Variants in DTNB observed in about 807,000 individuals in gnomAD.
The protein encoded by DTNB is dystrobrevin beta, also known as DTN-B.
DTNB carries 63 observed loss-of-function variants against 90.7 expected under a neutral mutation model. The observed-to-expected ratio is 0.69, with a 90% confidence interval of 0.57 to 0.86. DTNB has a LOEUF of 0.86. Among genes scored for constraint, DTNB ranks in the 40% least tolerant of loss-of-function variants. The probability of loss-of-function intolerance (pLI) is 0.00; values close to 1 mark genes in which losing one functional copy is unlikely to be tolerated. For synonymous variants in DTNB, 277 were observed against 286.7 expected (o/e 0.97, Z 0.34); for missense variants, 744 against 807.1 (o/e 0.92, Z 0.95).
chr2:25,628,862 A>C (rs922406666), intron 3 of DTNB, among the ~76,000 whole-genome samples: 13 of 152,274 alleles, frequency 8.5e-5, no homozygotes, highest in Non-Finnish European at 1.8e-4. Context: ...AATATGCTTT[A>C]GAGGCTACTC....
At chr2:25,596,578 T>C (rs1559170874) in intron 5 of DTNB, 2 of 177,028 alleles carry the variant, frequency 1.1e-5, no homozygotes, top group Non-Finnish European at 2.4e-5. Context: ...TGCAGCAGCA[T>C]ATCTTTATCT....
At chr2:25,637,234 A>G (rs1436776124) in intron 3 of DTNB, among the ~76,000 whole-genome samples, 1 of 152,226 alleles carries the variant, frequency 6.6e-6, no homozygotes, top group Admixed American at 6.5e-5. Flanking sequence ...CTTAAATGTT[A>G]GACCTAAAAC....
intron 4 of DTNB, among the ~76,000 whole-genome samples, chr2:25,626,485 C>G (rs935109279): frequency 6.6e-6 from 1 of 152,040 alleles, no homozygotes; most frequent in Non-Finnish European, 1.5e-5. Context: ...AGATTTCTGC[C>G]GGGCACAGTG....
At chr2:25,427,180 A>AACACACAC (rs3041256) in intron 15 of DTNB, among the ~76,000 whole-genome samples, 5,987 of 139,566 alleles carry the variant, frequency 0.043, 183 homozygotes, top group African/African-American at 0.074. Flanking sequence ...TCCATCTCAA[A>AACACACAC]ACACACACAC....
intron 2 of DTNB, among the ~76,000 whole-genome samples, chr2:25,652,025 T>C (rs1160657998): frequency 6.6e-6 from 1 of 152,200 alleles, no homozygotes; most frequent in African/African-American, 2.4e-5. Flanking sequence ...AGACAAGTAG[T>C]CACAGAGCAA....
chr2:25,597,512 C>T (rs1025314447), intron 5 of DTNB, among the ~76,000 whole-genome samples: 3 of 151,968 alleles, frequency 2.0e-5, no homozygotes, highest in Non-Finnish European at 2.9e-5. Flanking sequence ...TCTGAATACA[C>T]TAATTAAAGA....
chr2:25,572,458 C>T (rs1240931738), intron 8 of DTNB, among the ~76,000 whole-genome samples: 2 of 149,166 alleles, frequency 1.3e-5, no homozygotes, highest in Non-Finnish European at 3.0e-5. Context: ...CAAAGCGAGA[C>T]TCCATCGCCA....
rs528815163 is a variant in DTNB at position 25,494,411 on chromosome 2, C to T, written c.1002-11538G>A. 1.5e-4 allele frequency among the ~76,000 whole-genome samples: 23 copies of T among 149,148 alleles called. No individual in the cohort carries two copies. In the East Asian group the frequency reaches 4.0e-3, roughly 26 times the overall value. ...AAATTTTCAAGTTTGAGAAACACTGCCCCAATTCAGGACTACTAGCCTCAA... is the reference window on the plus strand; with the variant it reads ...AAATTTTCAAGTTTGAGAAACACTGTCCCAATTCAGGACTACTAGCCTCAA... On this transcript the variant is annotated intron_variant, in intron 9 of 20. Transcript: ENST00000406818.
intron 4 of DTNB, among the ~76,000 whole-genome samples, chr2:25,619,761 G>A (rs1301391160): frequency 6.6e-6 from 1 of 152,158 alleles, no homozygotes. Context: ...TTGGGTTGAG[G>A]CCGGGTGCAG....
At chr2:25,534,469 G>A (rs558278230) in intron 8 of DTNB, among the ~76,000 whole-genome samples, 4 of 151,558 alleles carry the variant, frequency 2.6e-5, no homozygotes, top group South Asian at 2.1e-4. Context: ...TTTTCTTTTC[G>A]ACAAAACCGC....
intron 6 of DTNB, among the ~76,000 whole-genome samples, chr2:25,581,027 C>CATATACATT (rs1191640090): frequency 1.3e-5 from 2 of 152,100 alleles, no homozygotes; most frequent in Non-Finnish European, 2.9e-5. Context: ...AATGTATTCC[C>CATATACATT]ATATACATTA....
At chr2:25,534,707 G>A (rs1329361424) in intron 8 of DTNB, among the ~76,000 whole-genome samples, 4 of 149,668 alleles carry the variant, frequency 2.7e-5, no homozygotes, top group South Asian at 4.3e-4. Flanking sequence ...ACAGGGTGGC[G>A]GGTGGGCAGA....
In DTNB at chr2:25,482,811, G is replaced by C; in HGVS notation, c.1064C>G (p.Pro355Arg). ...TMVSHMSSGV[P>R]TPTKRLQYSQ... ...ACATACGTACCTCTTGGTGGGAGTG[G>C]GCACTCCAGAGGACATGTGGCTAAC... The change falls in exon 10 of 21, where the codon CCC becomes CGC. Residue 355 changes from proline to arginine, a missense_variant. Pro to Arg is a moderately radical substitution (Grantham distance 103). Transcript: ENST00000406818. The C allele has an allele frequency of 6.2e-7, 1 of 1,613,514 alleles. No homozygotes were observed. Among genetic ancestry groups the C allele is most frequent in the South Asian group, 1.1e-5 (1 of 91,042 alleles).
chr2:25,447,967 G>C (rs1406972671), intron 12 of DTNB, among the ~76,000 whole-genome samples: 2 of 152,198 alleles, frequency 1.3e-5, no homozygotes, highest in Non-Finnish European at 1.5e-5. Flanking sequence ...AGGGGTGGCA[G>C]TAGTAGTGAC....
At chr2:25,462,224 T>C (rs1361453300) in intron 10 of DTNB, among the ~76,000 whole-genome samples, 1 of 152,166 alleles carries the variant, frequency 6.6e-6, no homozygotes, top group Non-Finnish European at 1.5e-5. Context: ...TATCTCGTGA[T>C]GTCAGCAGAA....
intron 11 of DTNB, among the ~76,000 whole-genome samples, chr2:25,452,697 G>A (rs1357991060): frequency 6.6e-6 from 1 of 151,234 alleles, no homozygotes; most frequent in African/African-American, 2.4e-5. Flanking sequence ...ATAAAGACCT[G>A]TCTGAACTTT....
chr2:25,404,192 C>T (rs780874110), intron 16 of DTNB, among the ~76,000 whole-genome samples: 1 of 152,160 alleles, frequency 6.6e-6, no homozygotes, highest in Non-Finnish European at 1.5e-5. Context: ...GCAGGCCTAT[C>T]CCGAGGGAGT....
chr2:25,484,882 A>G (rs968438366), intron 9 of DTNB, among the ~76,000 whole-genome samples: 2 of 152,230 alleles, frequency 1.3e-5, no homozygotes, highest in Non-Finnish European at 2.9e-5. Flanking sequence ...GTTATAGTCA[A>G]TTAATCAGTT....
intron 9 of DTNB, among the ~76,000 whole-genome samples, chr2:25,512,989 A>T (rs1187424557): frequency 6.6e-6 from 1 of 152,204 alleles, no homozygotes; most frequent in Non-Finnish European, 1.5e-5. Context: ...TAGATTTTTA[A>T]ATAGGGAAGT....
Sources: allele counts gnomAD v4.1 joint callset (sites outside exome capture counted in the v4.1 genomes callset), GRCh38; gene constraint gnomAD v4.1.1; transcripts MANE v1.5; gene names NCBI Gene and HGNC (gene_info 2026-07-23, HGNC 2026-07-21).